The following GRIP1 variants were observed in gnomAD, a reference collection of about 807,000 sequenced individuals.
GRIP1 encodes glutamate receptor interacting protein 1.
Under a neutral mutation model 129.9 loss-of-function variants are expected in GRIP1, and 45 were observed. The ratio of observed to expected loss-of-function variants is 0.35; its 90% CI spans 0.27 to 0.44. The LOEUF (loss-of-function observed/expected upper bound fraction) is 0.44, where lower values mean the gene tolerates loss of function less well. Ranked by LOEUF, GRIP1 falls within the 20% of genes least tolerant of loss-of-function variation. The probability of loss-of-function intolerance (pLI) is 1.00; values close to 1 mark genes in which losing one functional copy is unlikely to be tolerated. For missense variants in GRIP1, 1,196 were observed against 1,396.8 expected (o/e 0.86, Z 2.29); for synonymous variants, 530 against 520.8 (o/e 1.02, Z -0.24).
At chr12:66,571,103 C>T (rs2062944572) in intron 2 of GRIP1, 1 of 152,206 alleles carries the variant, frequency 6.6e-6, no homozygotes, top group African/African-American at 2.4e-5. Flanking sequence ...CAAAGTGACT[C>T]TTATCATAAA....
intron 1 of GRIP1, among the ~76,000 whole-genome samples, chr12:66,738,395 A>AT (rs1007714181): frequency 3.3e-5 from 5 of 150,942 alleles, no homozygotes; most frequent in Non-Finnish European, 7.4e-5. Context: ...AATTTTTTGT[A>AT]TTTTTTTAGT....
intron 1 of GRIP1, among the ~76,000 whole-genome samples, chr12:66,628,588 C>T (rs2030375655): frequency 6.6e-6 from 1 of 152,148 alleles, no homozygotes; most frequent in African/African-American, 2.4e-5. Flanking sequence ...CCTAGTTTTC[C>T]TTGTTGTGTA....
chr12:66,356,961 C>G (rs1255460573), intron 23 of GRIP1, among the ~76,000 whole-genome samples: 1 of 152,202 alleles, frequency 6.6e-6, no homozygotes, highest in African/African-American at 2.4e-5. Flanking sequence ...ACTTGGCTCA[C>G]TGCCTCCTGG....
intron 1 of GRIP1, among the ~76,000 whole-genome samples, chr12:67,056,221 G>A (rs1053461564): frequency 6.6e-6 from 1 of 152,202 alleles, no homozygotes; most frequent in Non-Finnish European, 1.5e-5. Context: ...CCATGGTCAT[G>A]AATTCAGACA....
intron 1 of GRIP1, among the ~76,000 whole-genome samples, chr12:67,016,843 T>C (rs1368726378): frequency 1.3e-5 from 2 of 152,180 alleles, no homozygotes; most frequent in Non-Finnish European, 1.5e-5. Context: ...GTAACACAAG[T>C]ATGATATCCC....
At chr12:66,732,787 C>T (rs1221180229) in intron 1 of GRIP1, among the ~76,000 whole-genome samples, 1 of 152,048 alleles carries the variant, frequency 6.6e-6, no homozygotes, top group Non-Finnish European at 1.5e-5. Flanking sequence ...TTTAGGGAAT[C>T]AAAAGTTATA....
intron 1 of GRIP1, among the ~76,000 whole-genome samples, chr12:66,741,110 T>C (rs1270464535): frequency 6.6e-6 from 1 of 152,206 alleles, no homozygotes; most frequent in East Asian, 1.9e-4. Flanking sequence ...CTCTCTTTCA[T>C]AGAAGATGCA....
intron 4 of GRIP1, among the ~76,000 whole-genome samples, chr12:66,531,302 T>TACAC (rs1205041982): frequency 3.6e-4 from 35 of 98,178 alleles, no homozygotes; most frequent in African/African-American, 1.1e-3. Context: ...TATATATATA[T>TACAC]ACACACACAC....
intron 5 of GRIP1, among the ~76,000 whole-genome samples, chr12:66,528,653 T>C (rs1158626547): frequency 6.6e-6 from 1 of 152,174 alleles, no homozygotes; most frequent in African/African-American, 2.4e-5. Context: ...TCAAGCATAC[T>C]AATCAACATT....
At chr12:66,725,138 A>T (rs1462598358) in intron 1 of GRIP1, among the ~76,000 whole-genome samples, 2 of 152,000 alleles carry the variant, frequency 1.3e-5, no homozygotes, top group African/African-American at 4.8e-5. Context: ...CAACAAATTA[A>T]AAACAAAAAC....
At chr12:66,975,892 A>G (rs2042144066) in intron 1 of GRIP1, among the ~76,000 whole-genome samples, 1 of 152,246 alleles carries the variant, frequency 6.6e-6, no homozygotes, top group Non-Finnish European at 1.5e-5. Flanking sequence ...CCCTGGAGCC[A>G]GACTGATTCC....
chr12:66,560,534 C>CA (rs912125598), intron 2 of GRIP1, among the ~76,000 whole-genome samples: 31 of 149,982 alleles, frequency 2.1e-4, no homozygotes, highest in Non-Finnish European at 3.6e-4. Context: ...AGACATTTCT[C>CA]AAAAAAAAAG....
chr12:66,599,866 T>G (rs2064202967), intron 1 of GRIP1, among the ~76,000 whole-genome samples: 1 of 152,130 alleles, frequency 6.6e-6, no homozygotes, highest in South Asian at 2.1e-4. Context: ...CTAAATTGAG[T>G]CTAGATGAAA....
intron 23 of GRIP1, among the ~76,000 whole-genome samples, chr12:66,360,035 G>A (rs983361845): frequency 1.3e-5 from 2 of 152,156 alleles, no homozygotes; most frequent in Non-Finnish European, 2.9e-5. Flanking sequence ...CCTCTGGGCA[G>A]CAAAATCATT....
At chr12:66,651,233 T>C (rs990510630) in intron 1 of GRIP1, among the ~76,000 whole-genome samples, 4 of 152,220 alleles carry the variant, frequency 2.6e-5, no homozygotes, top group African/African-American at 9.6e-5. Context: ...TCATTCCCTG[T>C]ATCCATTTAT....
intron 5 of GRIP1, among the ~76,000 whole-genome samples, chr12:66,528,784 A>G (rs1487500480): frequency 6.6e-6 from 1 of 152,236 alleles, no homozygotes; most frequent in Non-Finnish European, 1.5e-5. Flanking sequence ...AACCAAAAAT[A>G]GAGCTACATA....
chr12:66,440,727 C>A (rs2138062032), intron 13 of GRIP1, among the ~76,000 whole-genome samples: 1 of 152,258 alleles, frequency 6.6e-6, no homozygotes, highest in East Asian at 1.9e-4. Flanking sequence ...TCTCTCCAAT[C>A]TTAACAAAAC....
chr12:67,051,188 G>A (rs937548172), intron 1 of GRIP1, among the ~76,000 whole-genome samples: 7 of 152,070 alleles, frequency 4.6e-5, no homozygotes, highest in African/African-American at 1.4e-4. Context: ...ATGAAACGGA[G>A]GGACTTGGCA....
At chr12:66,349,866 A>G (rs564919865) in intron 24 of GRIP1, among the ~76,000 whole-genome samples, 170 of 152,062 alleles carry the variant, frequency 1.1e-3, no homozygotes, top group Non-Finnish European at 2.0e-3. Flanking sequence ...TTCAGCTTAT[A>G]CATGCACCCA....
Sources: gnomAD v4.1 joint callset for allele counts (sites outside exome capture counted in the v4.1 genomes callset) on GRCh38, gnomAD v4.1.1 for gene constraint, MANE v1.5 for transcripts, NCBI Gene and HGNC (gene_info 2026-07-23, HGNC 2026-07-21) for gene names.